CCDC24: variants seen among roughly 807,000 people sequenced by gnomAD.
The protein encoded by CCDC24 is coiled-coil domain containing 24, also known as coiled-coil domain-containing protein 24.
In CCDC24, 34 loss-of-function variants were observed where a neutral mutation model predicts 31.6. The observed-to-expected ratio is 1.08, with a 90% CI of 0.82 to 1.43. CCDC24 has a LOEUF of 1.43. Among genes scored for constraint, CCDC24 ranks in the 40% most tolerant of loss-of-function variants. The pLI is 0.00. For missense variants in CCDC24, 426 were observed against 391.1 expected (o/e 1.09, Z -0.75); for synonymous variants, 175 against 157.3 (o/e 1.11, Z -0.84).
intron 5 of CCDC24, chr1:43,994,238 G>A (rs549762967): frequency 2.3e-6 from 1 of 428,786 alleles, no homozygotes; most frequent in African/African-American, 2.0e-5. Flanking sequence ...TTGGGCCCAG[G>A]AATTCGAAAC....
Position 43,992,225 on chromosome 1 carries a change from G to A in CCDC24, c.140G>A (p.Arg47Gln). ...CTCTCCTTGCAGGTGGCGATGTTAC[G>A]GGCACTGCTCCAAGAGGCTCGATCC... is the stretch of plus-strand genomic sequence containing the variant. ...LELRAEVAML[R>Q]ALLQEARSSQ... The change falls in exon 3 of 9, where the codon CGG (arginine) becomes CAG (glutamine). Residue 47 changes from arginine (R) to glutamine (Q), a missense_variant. Transcript: ENST00000372318. 1.9e-6 allele frequency: 3 copies of A among 1,612,658 alleles called. No homozygotes were observed. Among genetic ancestry groups the A allele is most frequent in the South Asian group, 1.1e-5 (1 of 90,928 alleles).
intron 4 of CCDC24, 46 bp from the exon 5 acceptor site, chr1:43,993,841 C>T: frequency 3.2e-6 from 5 of 1,581,678 alleles, no homozygotes; most frequent in Non-Finnish European, 4.3e-6. Context: ...GTCCTGAAGG[C>T]CTGGGGTGAG....
intron 4 of CCDC24, among the ~76,000 whole-genome samples, chr1:43,993,443 GAAA>G (rs35911583): frequency 4.1e-5 from 6 of 146,794 alleles, no homozygotes; most frequent in Non-Finnish European, 7.5e-5. Flanking sequence ...CTGTCTCTAA[GAAA>G]AAAAAAAAAG....
intron 4 of CCDC24, 75 bp downstream of exon 4, chr1:43,992,714 G>T: frequency 7.4e-7 from 1 of 1,351,310 alleles, no homozygotes; most frequent in Non-Finnish European, 1.1e-6. Flanking sequence ...GTTGCACCTG[G>T]CTCCATGCAG....
intron 5 of CCDC24, chr1:43,994,849 A>G (rs1209028246): frequency 5.6e-6 from 3 of 530,982 alleles, no homozygotes; most frequent in African/African-American, 1.9e-5. Flanking sequence ...GAAGAATCAC[A>G]GTGCAGAAGT....
chr1:43,994,088 G>A (rs907557196), intron 5 of CCDC24, 124 bp downstream of exon 5: 4 of 836,992 alleles, frequency 4.8e-6, no homozygotes, highest in African/African-American at 3.4e-5. Flanking sequence ...TGTGCGTAAG[G>A]CTGAGAGGTG....
In CCDC24 at chr1:43,992,388, G is replaced by C. The variant is rs756951292; in HGVS notation, c.302+1G>C. On this transcript the variant is annotated splice_donor_variant, in intron 3 of 8. Coordinates refer to ENST00000372318, the MANE Select transcript of CCDC24 (RefSeq NM_152499.4). LOFTEE classifies it high-confidence loss of function. Reference sequence around the variant, plus strand: ...GCCACAAAGCCATCTGTGAGGGCAGGTGGGAGCCTCAGGCCTGGGCCCTTT... The same window carrying C: ...GCCACAAAGCCATCTGTGAGGGCAGCTGGGAGCCTCAGGCCTGGGCCCTTT... The C allele has an allele frequency of 2.5e-6, 4 of 1,614,172 alleles. No homozygotes were observed. Among genetic ancestry groups the C allele is most frequent in the Non-Finnish European group, 3.4e-6 (4 of 1,180,004 alleles).
In CCDC24 at chr1:43,995,595, C is replaced by A. The variant is rs761997453; in HGVS notation, c.553-6C>A. ...AGTCTGGGCACTGACGCAGCTCTCC[C>A]TGCAGCGCTGCCTGGAAGAGGAGTA... On this transcript the variant is annotated splice_polypyrimidine_tract_variant and splice_region_variant and intron_variant, in intron 6 of 8. Transcript: ENST00000372318. The surrounding 1 kb of genome is among the most constrained non-coding windows in gnomAD (Gnocchi z 4.3). The A allele has an allele frequency of 6.9e-6, 11 of 1,603,490 alleles. No homozygotes were observed. Among genetic ancestry groups the A allele is most frequent in the Non-Finnish European group, 9.4e-6 (11 of 1,174,246 alleles).
chr1:43,994,085 A>G, intron 5 of CCDC24, 121 bp downstream of exon 5: 2 of 869,086 alleles, frequency 2.3e-6, no homozygotes, highest in Admixed American at 2.0e-5. Context: ...CCATGTGCGT[A>G]AGGCTGAGAG....
Position 43,995,015 on chromosome 1 carries a change from C to T in CCDC24, c.498-93C>T, listed in dbSNP as rs935622639. 38 of 1,209,200 alleles carry T rather than the reference C, an allele frequency of 3.1e-5. No homozygotes were observed. The highest frequency in any genetic ancestry group is 4.5e-5 in the African/African-American group (3 of 66,498). 74.9% of individuals were successfully genotyped at this position (1,209,200 alleles called of 1,614,324 possible). A position where few individuals can be genotyped will look rare whatever the true frequency, so the allele number is the denominator to read the frequency against. Reference sequence around the variant, plus strand: ...GAGGAAGGACAGGTTGGGTGGGGCTCCTGCTGAGGCTGGAGGTTGGGGCCA... The same window carrying T: ...GAGGAAGGACAGGTTGGGTGGGGCTTCTGCTGAGGCTGGAGGTTGGGGCCA... On this transcript the variant is annotated intron_variant, in intron 5 of 8. Transcript: ENST00000372318. This position sits in a 1 kb window ranked among gnomAD's most constrained non-coding sequence, Gnocchi z 4.3.
At chr1:43,992,441 C>T in intron 3 of CCDC24, 54 bp downstream of exon 3, 1 of 1,612,130 alleles carries the variant, frequency 6.2e-7, no homozygotes. Flanking sequence ...GCTAGCGCTG[C>T]CCCTAACAAG....
In CCDC24 at chr1:43,996,156, CCTGAAGGGCTGGT is replaced by C; in HGVS notation, c.922_*10del. The C allele has an allele frequency of 6.3e-7, 1 of 1,577,282 alleles. No homozygotes were observed. Among genetic ancestry groups the C allele is most frequent in the Non-Finnish European group, 8.6e-7 (1 of 1,160,780 alleles). On this transcript the variant is annotated stop_lost and 3_prime_UTR_variant, in exon 9 of 9. Coordinates refer to ENST00000372318, the MANE Select transcript of CCDC24 (RefSeq NM_152499.4). ...TCCAGTGCAGCACCCCAAGCCCCAG[CCTGAAGGGCTGGT>C]CACCGAGTAGGCTCTGGCTTCTGCC...
rs1259586747 is a variant in CCDC24 at position 43,995,380 on chromosome 1, C to G, written c.552+218C>G. ...AAGGCCAGGGCCAACCGTTTTAGGT[C>G]TTTTGCCTCCTTCCTTTACCTAAGT... On this transcript the variant is annotated intron_variant, in intron 6 of 8. Transcript: ENST00000372318. This position sits in a 1 kb window ranked among gnomAD's most constrained non-coding sequence, Gnocchi z 4.3. 4.3e-6 allele frequency: 3 copies of G among 692,946 alleles called. No homozygotes were observed. Among genetic ancestry groups the G allele is most frequent in the East Asian group, 5.5e-5 (2 of 36,582 alleles). 42.9% of individuals were successfully genotyped at this position (692,946 alleles called of 1,614,324 possible).
At chr1:43,991,817 ACCTC>A in intron 1 of CCDC24, 26 bp from the exon 2 acceptor site, 1 of 1,537,820 alleles carries the variant, frequency 6.5e-7, no homozygotes, top group Non-Finnish European at 8.8e-7. Flanking sequence ...GGCCCGCGGT[ACCTC>A]CCGCACTCTG....
In CCDC24 at chr1:43,992,319, G is replaced by T. The variant is rs766625971; in HGVS notation, c.234G>T (p.Lys78Asn). 1.1e-5 allele frequency: 18 copies of T among 1,614,014 alleles called. No individual in the cohort carries two copies. Among genetic ancestry groups the T allele is most frequent in the Non-Finnish European group, 1.5e-5 (18 of 1,180,036 alleles). The change falls in exon 3 of 9, where the codon AAG becomes AAT. Residue 78 changes from lysine to asparagine, a missense_variant. By Grantham distance (94) the Lys-to-Asn change is moderately conservative. Transcript: ENST00000372318. The stretch of plus-strand genomic sequence containing the variant: ...TTCTGGCACCACCGCCTCTCCTAAA[G>T]GACCTCTTGCGCCAGGAGCTCCGGC... ...SSLLAPPPLL[K>N]DLLRQELRQL... is the part of the protein sequence containing the mutation.
rs753618232 is a variant in CCDC24, at chr1:43,992,386, A to G, written c.301A>G (p.Arg101Gly). 3 of 1,614,138 alleles carry G rather than the reference A, an allele frequency of 1.9e-6. No individual in the cohort carries two copies. The South Asian group carries it at 3.3e-5, about 18-fold the overall frequency. The stretch of plus-strand genomic sequence containing the variant: ...CCGCCACAAAGCCATCTGTGAGGGC[A>G]GGTGGGAGCCTCAGGCCTGGGCCCT... Reference protein sequence around the residue: ...GLRHKAICEGRDQAQAWVQYS... With the variant: ...GLRHKAICEGGDQAQAWVQYS... Residue 101 changes from arginine (R) to glycine (G), a missense_variant and splice_region_variant, in exon 3 of 9, where the codon AGG (arginine) becomes GGG (glycine). Arg to Gly is a moderately radical substitution (Grantham distance 125, BLOSUM62 -2). Coordinates refer to ENST00000372318, the MANE Select transcript of CCDC24 (RefSeq NM_152499.4).
Position 43,996,103 on chromosome 1 carries a change from C to T in CCDC24, c.867C>T (p.Pro289=). ...HRWGRQLQCS[P]REGPASTPMS... ...GGGGACGGCAGCTTCAGTGCAGCCC[C>T]AGGGAAGGGCCAGCTTCCACACCCA... Residue 289 remains proline, a synonymous_variant, in exon 9 of 9, where the codon CCC becomes CCT. Coordinates refer to ENST00000372318, the MANE Select transcript of CCDC24 (RefSeq NM_152499.4). The T allele has an allele frequency of 6.2e-7, 1 of 1,613,636 alleles. No homozygotes were observed. The highest frequency in any genetic ancestry group is 1.1e-5 in the South Asian group (1 of 91,006).
Position 43,995,108 on chromosome 1 carries a change from G to T in CCDC24, c.498G>T (p.Arg166Ser). 1 of 1,580,534 alleles carries T rather than the reference G, an allele frequency of 6.3e-7. No individual in the cohort carries two copies. The highest frequency in any genetic ancestry group is 8.6e-7 in the Non-Finnish European group (1 of 1,163,894). ...SNIDQVARHLRGLLEEECHTL... is the reference protein window; with the variant it reads ...SNIDQVARHLSGLLEEECHTL... ...TGGCTGCTGCTCCCTCATGTCCCAG[G>T]GGCCTTCTGGAGGAGGAGTGTCACA... Residue 166 changes from arginine (R) to serine (S), a missense_variant and splice_region_variant, in exon 6 of 9, where the codon AGG (arginine) becomes AGT (serine). Transcript: ENST00000372318. This position sits in a 1 kb window ranked among gnomAD's most constrained non-coding sequence, Gnocchi z 4.3.
In CCDC24 at chr1:43,995,147, G is replaced by A. The variant is rs1275412773; in HGVS notation, c.537G>A (p.Glu179=). 1.3e-6 allele frequency: 2 copies of A among 1,579,046 alleles called. No homozygotes were observed. The highest frequency in any genetic ancestry group is 1.7e-6 in the Non-Finnish European group (2 of 1,163,090). The part of the protein sequence containing the change: ...LEEECHTLER[E]ILILQRCLEE... Reference sequence around the variant, plus strand: ...AGGAGTGTCACACCTTGGAGAGGGAGATCCTCATCCTGCAGGTGAGCCGCA... The same window carrying A: ...AGGAGTGTCACACCTTGGAGAGGGAAATCCTCATCCTGCAGGTGAGCCGCA... The change falls in exon 6 of 9, where the codon GAG becomes GAA. Residue 179 remains glutamate (E), a synonymous_variant. Transcript: ENST00000372318. This position sits in a 1 kb window ranked among gnomAD's most constrained non-coding sequence, Gnocchi z 4.3.
Sources: allele counts gnomAD v4.1 joint callset (sites outside exome capture counted in the v4.1 genomes callset), GRCh38; gene constraint gnomAD v4.1.1; non-coding constraint Gnocchi (gnomAD v3.1); transcripts MANE v1.5; gene names NCBI Gene and HGNC (gene_info 2026-07-23, HGNC 2026-07-21).